LTBR: variants seen among roughly 807,000 people sequenced by gnomAD.
LTBR encodes the protein tumor necrosis factor receptor superfamily member 3.
In LTBR, 15 loss-of-function variants were observed where a neutral mutation model predicts 45.4. The observed-to-expected ratio is 0.33, with a 90% CI of 0.22 to 0.51. The LOEUF (loss-of-function observed/expected upper bound fraction) is 0.51, where lower values mean the gene tolerates loss of function less well. LTBR is among the 20% of genes least tolerant of loss of function. The pLI is 0.97. For missense variants in LTBR, 450 were observed against 565.5 expected (o/e 0.80, Z 2.07); for synonymous variants, 228 against 231.0 (o/e 0.99, Z 0.12).
upstream of LTBR, among the ~76,000 whole-genome samples, chr12:6,382,978 A>G (rs974493704): frequency 1.3e-5 from 2 of 152,222 alleles, no homozygotes; most frequent in African/African-American, 2.4e-5. Context: ...TGATGTGGCC[A>G]TCACTCATTT....
In LTBR at chr12:6,388,357, T is replaced by C. The variant is rs1352399137; in HGVS notation, c.668-41T>C. 4.1e-6 allele frequency: 6 copies of C among 1,478,160 alleles called. No homozygotes were observed. The highest frequency in any genetic ancestry group is 5.7e-6 in the Non-Finnish European group (6 of 1,057,846). 91.6% of individuals were successfully genotyped at this position (1,478,160 alleles called of 1,614,324 possible). ...TCCTTCTCCTCCTCCCCTCTGCCCT[T>C]CTTGGGGCTGTGATCACCCTCCTGT... On this transcript the variant is annotated intron_variant, in intron 6 of 9. Transcript: ENST00000228918. The surrounding 1 kb of genome is among the most constrained non-coding windows in gnomAD (Gnocchi z 4.3).
Position 6,390,319 on chromosome 12 carries a change from G to T in LTBR, c.1009G>T (p.Glu337Ter). ...LTREPQLEPG[E>*]QSQVAHGTNG... The stretch of plus-strand genomic sequence containing the variant: ...CAGGGAGCCGCAGTTGGAACCCGGG[G>T]AGCAGAGCCAGGTGGCCCACGGTGA... Residue 337 changes from glutamate (E) to a stop codon, truncating the protein, a stop_gained, in exon 9 of 10, where the codon GAG becomes TAG. Coordinates refer to ENST00000228918, the MANE Select transcript of LTBR (RefSeq NM_002342.3). LOFTEE classifies it high-confidence loss of function. 6.2e-7 allele frequency: 1 copy of T among 1,608,078 alleles called. No individual in the cohort carries two copies. Among genetic ancestry groups the T allele is most frequent in the Non-Finnish European group, 8.5e-7 (1 of 1,176,236 alleles).
Position 6,385,082 on chromosome 12 carries a change from A to G in LTBR, c.254A>G (p.Glu85Gly). ...GACACAGTTTGTGCCACATGTGCCG[A>G]GAATTCCTACAACGAGCACTGGAAC... ...IRDTVCATCA[E>G]NSYNEHWNYL... The change falls in exon 3 of 10, where the codon GAG becomes GGG. Residue 85 changes from glutamate to glycine, a missense_variant. Glu to Gly is a moderately conservative substitution (Grantham distance 98, BLOSUM62 -2). This residue lies in a region of LTBR where 367 missense variants were observed against 435.4 expected (regional missense o/e 0.84). Coordinates refer to ENST00000228918, the MANE Select transcript of LTBR (RefSeq NM_002342.3). The G allele has an allele frequency of 6.2e-7, 1 of 1,614,250 alleles. No homozygotes were observed.
In LTBR at chr12:6,390,812, G is replaced by A. The variant is rs531024828; in HGVS notation, c.1183G>A (p.Gly395Ser). The A allele has an allele frequency of 2.5e-6, 4 of 1,611,378 alleles. No individual in the cohort carries two copies. The South Asian group carries it at 3.3e-5, about 13-fold the overall frequency. ...CCCCATTCCCGAAGAGGGGGACCCT[G>A]GCCCTCCCGGGCTCTCTACACCCCA... ...PYPIPEEGDPGPPGLSTPHQE... is the reference protein window; with the variant it reads ...PYPIPEEGDPSPPGLSTPHQE... Residue 395 changes from glycine (G) to serine (S), a missense_variant, in exon 10 of 10, where the codon GGC (glycine) becomes AGC (serine). Around this residue, in one of 3 missense-constraint regions of LTBR, gnomAD observed 71 missense variants for 90.4 expected, o/e 0.79. Coordinates refer to ENST00000228918, the MANE Select transcript of LTBR (RefSeq NM_002342.3).
chr12:6,388,595 A>G lies in LTBR; in HGVS notation c.775+90A>G. On this transcript the variant is annotated intron_variant, in intron 7 of 9. Transcript: ENST00000228918. The surrounding 1 kb of genome is among the most constrained non-coding windows in gnomAD (Gnocchi z 4.3). ...CCCCGGTGCAACCCTCCACACCCTC[A>G]AGACTCCCAATGCCTACCCCCAACA... 8.3e-7 allele frequency: 1 copy of G among 1,202,820 alleles called. No individual in the cohort carries two copies. The highest frequency in any genetic ancestry group is 1.2e-6 in the Non-Finnish European group (1 of 814,142). 74.5% of individuals were successfully genotyped at this position (1,202,820 alleles called of 1,614,324 possible). A position where few individuals can be genotyped will look rare whatever the true frequency, so the allele number is the denominator to read the frequency against.
In LTBR at chr12:6,385,127, T is replaced by C; in HGVS notation, c.299T>C (p.Leu100Pro). 6.2e-7 allele frequency: 1 copy of C among 1,614,222 alleles called. No homozygotes were observed. Among genetic ancestry groups the C allele is most frequent in the South Asian group, 1.1e-5 (1 of 91,086 alleles). The change falls in exon 3 of 10, where the codon CTG (leucine) becomes CCG (proline). Residue 100 changes from leucine (L) to proline (P), a missense_variant. Transcript: ENST00000228918. ...EHWNYLTICQ[L>P]CRPCDPVMGL... ...TGGAACTACCTGACCATCTGCCAGC[T>C]GTGCCGCCCCTGTGACCCAGGTGAG...
intron 1 of LTBR, chr12:6,377,198 C>G: frequency 1.3e-6 from 2 of 1,507,214 alleles, no homozygotes; most frequent in Non-Finnish European, 1.8e-6. Flanking sequence ...CTTGCGACTT[C>G]TTAAAGTGAA....
upstream of LTBR, among the ~76,000 whole-genome samples, chr12:6,383,250 G>A (rs528735265): frequency 6.6e-6 from 1 of 152,142 alleles, no homozygotes; most frequent in South Asian, 2.1e-4. Flanking sequence ...ACGTGTAAAA[G>A]GGGGCAGCTG....
At chr12:6,375,294 C>T (rs72645131), upstream of LTBR, 2,209 of 1,435,016 alleles carry the variant, frequency 1.5e-3, 8 homozygotes, top group Middle Eastern at 0.012. Flanking sequence ...CTCTTCCTCT[C>T]CCCCCCTTGC....
In LTBR at chr12:6,390,172, C is replaced by T. The variant is rs2136935681; in HGVS notation, c.862C>T (p.Pro288Ser). The T allele has an allele frequency of 6.2e-7, 1 of 1,614,134 alleles. No individual in the cohort carries two copies. Among genetic ancestry groups the T allele is most frequent in the Non-Finnish European group, 8.5e-7 (1 of 1,180,026 alleles). The change falls in exon 9 of 10, where the codon CCT (proline) becomes TCT (serine). Residue 288 changes from proline (P) to serine (S), a missense_variant. Coordinates refer to ENST00000228918, the MANE Select transcript of LTBR (RefSeq NM_002342.3). Reference protein sequence around the residue: ...WEPPKAHPYFPDLVQPLLPIS... With the variant: ...WEPPKAHPYFSDLVQPLLPIS... ...GCCTCCGAAGGCCCATCCATACTTC[C>T]CTGACTTGGTACAGCCACTGCTACC... is the stretch of plus-strand genomic sequence containing the variant.
At chr12:6,375,754 G>A in intron 1 of LTBR, 1 of 1,410,386 alleles carries the variant, frequency 7.1e-7, no homozygotes, top group African/African-American at 1.5e-5. Flanking sequence ...CTGGGGGACA[G>A]GATGGCAGGT....
At chr12:6,385,734 G>A (rs1356786513) in intron 4 of LTBR, 3 of 344,310 alleles carry the variant, frequency 8.7e-6, no homozygotes, top group Non-Finnish European at 1.6e-5. Context: ...GTGAAACCCC[G>A]TCTCTACTAA....
At position 6,385,264 on chromosome 12, in the gene LTBR, A is replaced by G; in HGVS notation, c.357A>G (p.Lys119=). ...GLEEIAPCTS[K]RKTQCRCQPG... ...AGGAGATTGCCCCCTGCACAAGCAA[A>G]CGGAAGACCCAGTGCCGCTGCCAGC... The change falls in exon 4 of 10, where the codon AAA becomes AAG. Residue 119 remains lysine (K), a synonymous_variant. Coordinates refer to ENST00000228918, the MANE Select transcript of LTBR (RefSeq NM_002342.3). The G allele has an allele frequency of 6.2e-7, 1 of 1,613,990 alleles. No individual in the cohort carries two copies. The highest frequency in any genetic ancestry group is 1.1e-5 in the South Asian group (1 of 91,078).
Position 6,386,275 on chromosome 12 carries a change from C to G in LTBR, c.570-72C>G, listed in dbSNP as rs372464816. 1.5e-5 allele frequency: 22 copies of G among 1,503,400 alleles called. No individual in the cohort carries two copies. In the African/African-American group the frequency reaches 1.8e-4, roughly 12 times the overall value. 93.1% of individuals were successfully genotyped at this position (1,503,400 alleles called of 1,614,324 possible). A position where few individuals can be genotyped will look rare whatever the true frequency, so the allele number is the denominator to read the frequency against. ...CTCGACTCACCACTTTCAGCCTCCC[C>G]GCCTGCCCAGTGGAGTCGGGACACT... is the stretch of plus-strand genomic sequence containing the variant. On this transcript the variant is annotated intron_variant, in intron 5 of 9. Transcript: ENST00000228918. The surrounding 1 kb of genome is among the most constrained non-coding windows in gnomAD (Gnocchi z 4.1).
At chr12:6,384,868 C>G (rs751538484) in intron 2 of LTBR, 154 bp from the exon 3 acceptor site, 16 of 1,110,650 alleles carry the variant, frequency 1.4e-5, no homozygotes, top group Non-Finnish European at 2.0e-5. Flanking sequence ...TGGGCCTCCT[C>G]TTTCCTTACC....
At chr12:6,376,662 A>G (rs1948915861) in intron 1 of LTBR, among the ~76,000 whole-genome samples, 1 of 152,218 alleles carries the variant, frequency 6.6e-6, no homozygotes, top group Non-Finnish European at 1.5e-5. Flanking sequence ...AGTGGTGAGC[A>G]AGGAGAGAGA....
chr12:6,380,807 G>A (rs1948975720), upstream of LTBR, among the ~76,000 whole-genome samples: 2 of 152,162 alleles, frequency 1.3e-5, no homozygotes, highest in Non-Finnish European at 2.9e-5. Context: ...TCGGAAGAAG[G>A]CCTGGGAGAA....
rs953035772 is a variant in LTBR, at chr12:6,391,164, C to T, written c.*227C>T. 4.7e-6 allele frequency: 2 copies of T among 426,770 alleles called. No individual in the cohort carries two copies. The highest frequency in any genetic ancestry group is 7.3e-5 in the East Asian group (2 of 27,364). The allele number at this position is 426,770 out of a possible 1,614,324, so 26.4% of individuals were successfully genotyped here. On this transcript the variant is annotated 3_prime_UTR_variant, in exon 10 of 10. Coordinates refer to ENST00000228918, the MANE Select transcript of LTBR (RefSeq NM_002342.3). ...CAAACCTGAGGCCTCCCGGCAGACC[C>T]ACCCACCCCCTGGGGCTGCTCAGCC...
At position 6,386,745 on chromosome 12, in the gene LTBR, C is replaced by CT; in HGVS notation, c.667+301_667+302insT. 3 of 288,810 alleles carry CT rather than the reference C, an allele frequency of 1.0e-5. No homozygotes were observed. Among genetic ancestry groups the CT allele is most frequent in the Non-Finnish European group, 1.9e-5 (3 of 155,802 alleles). The allele number at this position is 288,810 out of a possible 1,614,324, so 17.9% of individuals were successfully genotyped here. On this transcript the variant is annotated intron_variant, in intron 6 of 9. Transcript: ENST00000228918. This position sits in a 1 kb window ranked among gnomAD's most constrained non-coding sequence, Gnocchi z 4.1. ...TTGGGCTTACCAACATTACACAATCCGTTTTTTTTTTTCACACAATCCATT... is the reference window on the plus strand; with the variant it reads ...TTGGGCTTACCAACATTACACAATCCTGTTTTTTTTTTTCACACAATCCATT...
Sources: allele counts gnomAD v4.1 joint callset (sites outside exome capture counted in the v4.1 genomes callset), GRCh38; gene constraint gnomAD v4.1.1; regional missense constraint gnomAD v4.1.1; non-coding constraint Gnocchi (gnomAD v3.1); transcripts MANE v1.5; gene names NCBI Gene and HGNC (gene_info 2026-07-23, HGNC 2026-07-21).